The following CTIF variants were observed in gnomAD, a reference collection of about 807,000 sequenced individuals.
CTIF encodes cap binding complex dependent translation initiation factor.
In CTIF, 21 loss-of-function variants were observed where a neutral mutation model predicts 66.0. That is an observed-to-expected ratio of 0.32 (90% CI 0.23 to 0.46). CTIF has a LOEUF of 0.46. Ranked by LOEUF, CTIF falls within the 20% of genes least tolerant of loss-of-function variation. CTIF has a pLI of 1.00. For missense variants in CTIF, 739 were observed against 812.7 expected, an observed-to-expected ratio of 0.91 and a Z score of 1.10; for synonymous variants, 345 against 326.4, an observed-to-expected ratio of 1.06 and a Z score of -0.62.
chr18:48,843,162 A>G (rs2068987343), intron 10 of CTIF, among the ~76,000 whole-genome samples: 1 of 151,424 alleles, frequency 6.6e-6, no homozygotes, highest in South Asian at 2.1e-4. Context: ...TGTTGTGCAG[A>G]GTCAGACATA....
chr18:48,711,115 C>A (rs973622530), intron 6 of CTIF, among the ~76,000 whole-genome samples: 1 of 152,294 alleles, frequency 6.6e-6, no homozygotes, highest in South Asian at 2.1e-4. Flanking sequence ...GTTTAGGAGA[C>A]AAATTTCCTC....
intron 1 of CTIF, among the ~76,000 whole-genome samples, chr18:48,578,305 TG>T (rs1391184916): frequency 6.6e-6 from 1 of 152,228 alleles, no homozygotes; most frequent in Non-Finnish European, 1.5e-5. Flanking sequence ...CAGGTCTTTG[TG>T]TGGATGTATG....
intron 10 of CTIF, among the ~76,000 whole-genome samples, chr18:48,821,665 A>C: frequency 6.6e-6 from 1 of 152,266 alleles, no homozygotes; most frequent in East Asian, 1.9e-4. Flanking sequence ...TTTCTTGTTT[A>C]AGAACAAATA....
intron 1 of CTIF, among the ~76,000 whole-genome samples, chr18:48,586,289 T>C (rs1347933509): frequency 6.6e-6 from 1 of 151,690 alleles, no homozygotes; most frequent in African/African-American, 2.4e-5. Context: ...TTTTTTTTTT[T>C]TTTTTGAGAC....
chr18:48,721,753 C>CG (rs934378596), intron 7 of CTIF, among the ~76,000 whole-genome samples: 1 of 151,832 alleles, frequency 6.6e-6, no homozygotes, highest in African/African-American at 2.4e-5. Context: ...ACGTGCATCC[C>CG]CCCCTCTCTG....
At chr18:48,620,752 A>G (rs1056691014) in intron 2 of CTIF, among the ~76,000 whole-genome samples, 8 of 152,276 alleles carry the variant, frequency 5.3e-5, no homozygotes, top group Admixed American at 2.6e-4. Flanking sequence ...GACTCCTGGG[A>G]CAATCAGAAG....
chr18:48,542,840 C>T (rs73441446), intron 1 of CTIF, among the ~76,000 whole-genome samples: 10,069 of 152,230 alleles, frequency 0.066, 451 homozygotes, highest in African/African-American at 0.13. Flanking sequence ...CGGGAGGGCC[C>T]AGAGGTATGT....
chr18:48,637,948 G>A (rs981441629), intron 3 of CTIF, among the ~76,000 whole-genome samples: 12 of 152,000 alleles, frequency 7.9e-5, no homozygotes, highest in East Asian at 3.9e-4. Context: ...TAACATCTCC[G>A]TGCCATTTGC....
chr18:48,840,755 C>T (rs924922287), intron 10 of CTIF, among the ~76,000 whole-genome samples: 6 of 152,148 alleles, frequency 3.9e-5, no homozygotes, highest in African/African-American at 1.4e-4. Context: ...TGTCCCTACC[C>T]AGTTGGTCCT....
intron 2 of CTIF, among the ~76,000 whole-genome samples, chr18:48,623,364 G>A (rs1030099031): frequency 6.6e-6 from 1 of 152,184 alleles, no homozygotes; most frequent in African/African-American, 2.4e-5. Context: ...CCGCGCCCCT[G>A]CCTCCCCGAT....
At chr18:48,646,579 TCAA>T (rs1470398828) in intron 3 of CTIF, among the ~76,000 whole-genome samples, 66 of 151,298 alleles carry the variant, frequency 4.4e-4, no homozygotes, top group Admixed American at 3.6e-3. Flanking sequence ...AAACACCGTC[TCAA>T]CAAAAAATAC....
intron 9 of CTIF, among the ~76,000 whole-genome samples, chr18:48,791,086 C>G (rs754268665): frequency 2.6e-5 from 4 of 152,202 alleles, no homozygotes; most frequent in Non-Finnish European, 5.9e-5. Flanking sequence ...GAAGGGGAGG[C>G]CCTGTACAAG....
At chr18:48,855,011 G>T (rs1175033800) in intron 10 of CTIF, among the ~76,000 whole-genome samples, 1 of 152,076 alleles carries the variant, frequency 6.6e-6, no homozygotes, top group South Asian at 2.1e-4. Flanking sequence ...CATTTCCACC[G>T]CCCCGGAGCT....
intron 1 of CTIF, among the ~76,000 whole-genome samples, chr18:48,568,633 T>TAAAAAAAAAAAAAAGAAA (rs2089332981): frequency 2.7e-5 from 1 of 36,622 alleles, no homozygotes; most frequent in Admixed American, 3.6e-4. Flanking sequence ...GGGCAATTTG[T>TAAAAAAAAAAAAAAGAAA]AAAAAAAAAA....
chr18:48,771,410 G>A (rs988598074), intron 9 of CTIF, among the ~76,000 whole-genome samples: 2 of 152,138 alleles, frequency 1.3e-5, no homozygotes, highest in African/African-American at 4.8e-5. Context: ...CATGGGAATA[G>A]CACAGGCCAC....
intron 1 of CTIF, among the ~76,000 whole-genome samples, chr18:48,610,640 A>C (rs1178455604): frequency 1.3e-5 from 2 of 152,228 alleles, no homozygotes; most frequent in Non-Finnish European, 2.9e-5. Context: ...TCTGGGTGCC[A>C]GCACTGCAGG....
At chr18:48,652,619 A>C (rs988639576) in intron 3 of CTIF, among the ~76,000 whole-genome samples, 5 of 152,204 alleles carry the variant, frequency 3.3e-5, no homozygotes, top group African/African-American at 1.2e-4. Context: ...AATCCTCTCT[A>C]ACTCATTTTA....
intron 9 of CTIF, among the ~76,000 whole-genome samples, chr18:48,801,330 C>T (rs954349875): frequency 2.6e-5 from 4 of 152,330 alleles, no homozygotes; most frequent in East Asian, 3.9e-4. Flanking sequence ...CAGACGCAAA[C>T]GTTGGTCTCC....
At chr18:48,827,532 G>A (rs1461518057) in intron 10 of CTIF, among the ~76,000 whole-genome samples, 7 of 152,132 alleles carry the variant, frequency 4.6e-5, no homozygotes, top group Non-Finnish European at 8.8e-5. Flanking sequence ...TGACTGTAAC[G>A]GTCAAACAAA....
Sources: allele counts gnomAD v4.1 joint callset (sites outside exome capture counted in the v4.1 genomes callset), GRCh38; gene constraint gnomAD v4.1.1; transcripts MANE v1.5; gene names NCBI Gene and HGNC (gene_info 2026-07-23, HGNC 2026-07-21).